MIEF2: variants seen among roughly 807,000 people sequenced by gnomAD.
The protein encoded by MIEF2 is mitochondrial dynamics protein MID49.
A neutral mutation model predicts 7.4 loss-of-function variants in MIEF2; 1 was observed. The ratio of observed to expected loss-of-function variants is 0.14; its 90% CI spans 0.05 to 0.64. The LOEUF (loss-of-function observed/expected upper bound fraction) is 0.64. Ranked by LOEUF, MIEF2 falls within the 30% of genes least tolerant of loss-of-function variation. The probability of loss-of-function intolerance (pLI) is 0.85; values close to 1 mark genes in which losing one functional copy is unlikely to be tolerated. For synonymous variants in MIEF2, 275 were observed against 290.5 expected, an observed-to-expected ratio of 0.95 and a Z score of 0.54; for missense variants, 569 against 623.9, an observed-to-expected ratio of 0.91 and a Z score of 0.94.
chr17:18,263,300 C>T (rs764115238), intron 3 of MIEF2, 52 bp downstream of exon 3: 39 of 1,611,198 alleles, frequency 2.4e-5, no homozygotes, highest in Middle Eastern at 1.6e-4. Flanking sequence ...AGACGCAGCC[C>T]AGGCTTTGCC....
intron 1 of MIEF2, 116 bp downstream of exon 1, chr17:18,260,853 G>A: frequency 4.0e-6 from 2 of 494,044 alleles, no homozygotes; most frequent in South Asian, 2.5e-5. Context: ...GGCGGGGAGG[G>A]GACCTTTGGG....
rs752546048 is a variant in MIEF2, at chr17:18,264,225, G to A, written c.826G>A (p.Gly276Arg). 6.2e-6 allele frequency: 10 copies of A among 1,602,768 alleles called. No homozygotes were observed. The highest frequency in any genetic ancestry group is 1.7e-4 in the Middle Eastern group (1 of 6,032). Residue 276 changes from glycine (G) to arginine (R), a missense_variant, in exon 4 of 4, where the codon GGG becomes AGG. Transcript: ENST00000323019. ...CTGGCCGGCCATTGGCAGCCTTCTCGGGTGCCTGATCCGGCCCAGCATGGC... is the reference window on the plus strand; with the variant it reads ...CTGGCCGGCCATTGGCAGCCTTCTCAGGTGCCTGATCCGGCCCAGCATGGC... ...VNWPAIGSLLGCLIRPSMASE... is the reference protein window; with the variant it reads ...VNWPAIGSLLRCLIRPSMASE...
Position 18,264,462 on chromosome 17 carries a change from C to A in MIEF2, c.1063C>A (p.Arg355=). ...CGACCATGACGCTGGGACTCGCCGG[C>A]GGCTGCTGCTGCTGCTGTGTGCTGT... ...LDDHDAGTRR[R]LLLLLCAVCR... The change falls in exon 4 of 4, where the codon CGG becomes AGG. Residue 355 remains arginine, a synonymous_variant. Coordinates refer to ENST00000323019, the MANE Select transcript of MIEF2 (RefSeq NM_139162.4). 1 of 1,603,374 alleles carries A rather than the reference C, an allele frequency of 6.2e-7. No homozygotes were observed. The highest frequency in any genetic ancestry group is 8.5e-7 in the Non-Finnish European group (1 of 1,179,810).
chr17:18,262,254 C>T (rs1978455216), intron 1 of MIEF2, among the ~76,000 whole-genome samples: 1 of 152,196 alleles, frequency 6.6e-6, no homozygotes, highest in Non-Finnish European at 1.5e-5. Context: ...TTACCACTCA[C>T]TTGTGAGCTG....
chr17:18,264,781 G>A lies in MIEF2; in HGVS notation c.*17G>A. The A allele has an allele frequency of 6.3e-7, 1 of 1,585,668 alleles. No individual in the cohort carries two copies. Among genetic ancestry groups the A allele is most frequent in the Non-Finnish European group, 8.6e-7 (1 of 1,161,474 alleles). Reference sequence around the variant, plus strand: ...CTGCTCTAGGTGGGTGGAAACGGGTGGTTGCCATGTTTTCTAATGCTGGGG... The same window carrying A: ...CTGCTCTAGGTGGGTGGAAACGGGTAGTTGCCATGTTTTCTAATGCTGGGG... On this transcript the variant is annotated 3_prime_UTR_variant, in exon 4 of 4. Coordinates refer to ENST00000323019, the MANE Select transcript of MIEF2 (RefSeq NM_139162.4).
Position 18,261,252 on chromosome 17 carries a change from TGAG to T in MIEF2, c.-8+519_-8+521del, listed in dbSNP as rs1173928397. 11 of 1,453,728 alleles carry T rather than the reference TGAG, an allele frequency of 7.6e-6. No individual in the cohort carries two copies. In the East Asian group the frequency reaches 1.5e-4, roughly 20 times the overall value. 90.1% of individuals were successfully genotyped at this position (1,453,728 alleles called of 1,614,324 possible). On this transcript the variant is annotated intron_variant, in intron 1 of 3. Transcript: ENST00000323019. Reference sequence around the variant, plus strand: ...GCAGTATTGATCCCCGAGTCACCGATGAGGAGATTGAAACCGGCCCTGGGGCCG... The same window carrying T: ...GCAGTATTGATCCCCGAGTCACCGATGAGATTGAAACCGGCCCTGGGGCCG...
In MIEF2 at chr17:18,263,304, C is replaced by T. The variant is rs558401179; in HGVS notation, c.310+56C>T. ...TCACATTCAAGAGACGCAGCCCAGG[C>T]TTTGCCCTGACTGACTGTGTGACCC... On this transcript the variant is annotated intron_variant, in intron 3 of 3. Transcript: ENST00000323019. 1,460 of 1,610,556 alleles carry T rather than the reference C, an allele frequency of 9.1e-4. 2 individuals carry two copies. Among genetic ancestry groups the T allele is most frequent in the South Asian group, 1.9e-3 (176 of 91,008 alleles).
chr17:18,262,928 T>C (rs1048065138), intron 2 of MIEF2, 61 bp downstream of exon 2: 9 of 1,524,178 alleles, frequency 5.9e-6, no homozygotes, highest in Middle Eastern at 3.6e-4. Context: ...GGGTTGGGCT[T>C]TTCAGAGGGG....
At position 18,262,878 on chromosome 17, in the gene MIEF2, G is replaced by C; in HGVS notation, c.147+11G>C. ...CTGGCCGTGAAGCGGGTAAGGCCAA[G>C]TGGGCGGGTCATGCCTGAAGCTCCT... is the stretch of plus-strand genomic sequence containing the variant. On this transcript the variant is annotated intron_variant, in intron 2 of 3. Transcript: ENST00000323019. 6.5e-7 allele frequency: 1 copy of C among 1,535,260 alleles called. No homozygotes were observed. The highest frequency in any genetic ancestry group is 1.4e-5 in the African/African-American group (1 of 72,716).
At chr17:18,261,016 A>AG (rs1978384927) in intron 1 of MIEF2, 8 of 1,278,280 alleles carry the variant, frequency 6.3e-6, no homozygotes, top group Non-Finnish European at 8.8e-6. Context: ...GGAGGAGGGA[A>AG]GGCCAAACGG....
rs1978739236 is a variant in MIEF2, at chr17:18,266,157, A to AGG, written c.*1393_*1394insGG. On this transcript the variant is annotated 3_prime_UTR_variant, in exon 4 of 4. Transcript: ENST00000323019. Reference sequence around the variant, plus strand: ...GGAGGTAGAGGTTGCAATGAGCTGAAATTGCACCACTGCACTCCAGACTGG... The same window carrying AGG: ...GGAGGTAGAGGTTGCAATGAGCTGAAGGATTGCACCACTGCACTCCAGACTGG... 1.5e-5 allele frequency: 2 copies of AGG among 137,282 alleles called. No individual in the cohort carries two copies. Among genetic ancestry groups the AGG allele is most frequent in the African/African-American group, 5.5e-5 (2 of 36,338 alleles). 8.5% of individuals were successfully genotyped at this position (137,282 alleles called of 1,614,324 possible).
At chr17:18,261,641 C>T (rs969692321) in intron 1 of MIEF2, among the ~76,000 whole-genome samples, 4 of 152,340 alleles carry the variant, frequency 2.6e-5, no homozygotes, top group Middle Eastern at 3.4e-3. Context: ...ATCTTTGCCT[C>T]CACTTCCCAA....
Position 18,264,417 on chromosome 17 carries a change from G to T in MIEF2, c.1018G>T (p.Ala340Ser). The T allele has an allele frequency of 6.2e-7, 1 of 1,600,938 alleles. No homozygotes were observed. The highest frequency in any genetic ancestry group is 1.1e-5 in the South Asian group (1 of 91,072). ...WLQDLYPVEAARLRALDDHDA... is the reference protein window; with the variant it reads ...WLQDLYPVEASRLRALDDHDA... ...GCAGGACCTGTATCCAGTGGAGGCT[G>T]CTAGGCTGCGAGCCCTGGACGACCA... Residue 340 changes from alanine (A) to serine (S), a missense_variant, in exon 4 of 4, where the codon GCT becomes TCT. Transcript: ENST00000323019.
Position 18,265,046 on chromosome 17 carries a change from C to G in MIEF2, c.*282C>G. 5.1e-6 allele frequency: 2 copies of G among 390,274 alleles called. No individual in the cohort carries two copies. The highest frequency in any genetic ancestry group is 9.0e-5 in the East Asian group (2 of 22,160). The allele number at this position is 390,274 out of a possible 1,614,324, so 24.2% of individuals were successfully genotyped here. A position where few individuals can be genotyped will look rare whatever the true frequency, so the allele number is the denominator to read the frequency against. On this transcript the variant is annotated 3_prime_UTR_variant, in exon 4 of 4. Transcript: ENST00000323019. Reference sequence around the variant, plus strand: ...CCGTTTCAGCTCTTGGGGCCAACCCCAGGACCTTTGGCTCTGTCCATCACC... The same window carrying G: ...CCGTTTCAGCTCTTGGGGCCAACCCGAGGACCTTTGGCTCTGTCCATCACC...
At chr17:18,260,976 C>A (rs1978381244) in intron 1 of MIEF2, 1 of 854,466 alleles carries the variant, frequency 1.2e-6, no homozygotes, top group Non-Finnish European at 1.9e-6. Flanking sequence ...GCGGCCTGCT[C>A]CGCCCGGGCC....
intron 1 of MIEF2, 47 bp from the exon 2 acceptor site, chr17:18,262,667 T>C: frequency 1.3e-6 from 2 of 1,520,548 alleles, no homozygotes; most frequent in Non-Finnish European, 1.8e-6. Flanking sequence ...TCTCCCAGCC[T>C]GGCCACCTGC....
At position 18,263,910 on chromosome 17, in the gene MIEF2, C is replaced by G. The variant is rs142104767; in HGVS notation, c.511C>G (p.Leu171Val). The change falls in exon 4 of 4, where the codon CTG (leucine) becomes GTG (valine). Residue 171 changes from leucine (L) to valine (V), a missense_variant. Physicochemically the swap from Leu to Val is conservative, Grantham distance 32. Transcript: ENST00000323019. ...CTACTTTCGGAGCAAGTTCCCGGAA[C>G]TGCCCTTTGGGGCATTCGTGCCTGG... ...QAYFRSKFPE[L>V]PFGAFVPGGP... is the part of the protein sequence containing the mutation. 6.2e-7 allele frequency: 1 copy of G among 1,601,230 alleles called. No homozygotes were observed. Among genetic ancestry groups the G allele is most frequent in the Non-Finnish European group, 8.5e-7 (1 of 1,179,358 alleles).
intron 3 of MIEF2, 180 bp downstream of exon 3, chr17:18,263,428 T>A (rs1447815880): frequency 2.1e-6 from 2 of 975,550 alleles, no homozygotes; most frequent in South Asian, 2.7e-5. Flanking sequence ...GGTAGCGTTG[T>A]GATGGTGGGG....
intron 3 of MIEF2, 165 bp downstream of exon 3, chr17:18,263,413 A>T (rs750159265): frequency 9.4e-7 from 1 of 1,065,134 alleles, no homozygotes; most frequent in African/African-American, 1.6e-5. Flanking sequence ...TTCCTGGAGC[A>T]AGGTGGTAGC....
Sources: allele counts gnomAD v4.1 joint callset (sites outside exome capture counted in the v4.1 genomes callset), GRCh38; gene constraint gnomAD v4.1.1; transcripts MANE v1.5; gene names NCBI Gene and HGNC (gene_info 2026-07-23, HGNC 2026-07-21).